Variants in NRG3 observed in about 807,000 individuals in gnomAD.
The protein encoded by NRG3 is neuregulin 3.
A neutral mutation model predicts 66.9 loss-of-function variants in NRG3; 31 were observed. The observed-to-expected ratio is 0.46, with a 90% CI of 0.35 to 0.63. The LOEUF is 0.63. Ranked by LOEUF, NRG3 falls within the 20% of genes least tolerant of loss-of-function variation. The pLI, the probability that NRG3 is intolerant of heterozygous loss-of-function variation, is 0.00. For synonymous variants in NRG3, 393 were observed against 359.4 expected, an observed-to-expected ratio of 1.09 and a Z score of -1.06; for missense variants, 910 against 878.9, an observed-to-expected ratio of 1.04 and a Z score of -0.45.
rs1040149578 is a variant in NRG3 at position 82,831,601 on chromosome 10, G to A, written c.1028-33810G>A. On this transcript the variant is annotated intron_variant, in intron 3 of 8. Coordinates refer to ENST00000372141, the MANE Select transcript of NRG3 (RefSeq NM_001010848.4). ...GAGGCCGAGGTAGGTGGATCCCTGAGGTCAGGAGTTCAAAACCAGCCTGAC... is the reference window on the plus strand; with the variant it reads ...GAGGCCGAGGTAGGTGGATCCCTGAAGTCAGGAGTTCAAAACCAGCCTGAC... 2.0e-5 allele frequency among the ~76,000 whole-genome samples: 3 copies of A among 152,028 alleles called. No individual in the cohort carries two copies. The East Asian group carries it at 5.8e-4, about 29-fold the overall frequency.
intron 1 of NRG3, among the ~76,000 whole-genome samples, chr10:82,258,395 T>C (rs2077848618): frequency 6.6e-6 from 1 of 152,154 alleles, no homozygotes; most frequent in Non-Finnish European, 1.5e-5. Flanking sequence ...TTGCCAGAGA[T>C]ATGGCATACA....
intron 1 of NRG3, among the ~76,000 whole-genome samples, chr10:82,335,872 CTG>C (rs1335898557): frequency 6.6e-6 from 1 of 152,116 alleles, no homozygotes; most frequent in Non-Finnish European, 1.5e-5. Context: ...AATATATAAT[CTG>C]TGAGAAAGCC....
intron 1 of NRG3, among the ~76,000 whole-genome samples, chr10:82,303,331 G>A (rs921008008): frequency 1.0e-5 from 1 of 97,102 alleles, no homozygotes; most frequent in Non-Finnish European, 1.8e-5. Flanking sequence ...TACTGTGCGT[G>A]TATAAACACA....
chr10:82,932,961 G>A lies in NRG3; in HGVS notation c.1055-18508G>A, dbSNP rs576390021. 3.1e-4 allele frequency among the ~76,000 whole-genome samples: 47 copies of A among 151,684 alleles called. No individual in the cohort carries two copies. In the South Asian group the frequency reaches 8.6e-3, roughly 28 times the overall value. On this transcript the variant is annotated intron_variant, in intron 4 of 8. Coordinates refer to ENST00000372141, the MANE Select transcript of NRG3 (RefSeq NM_001010848.4). ...TCCTTTTCCAATCTGTTCTTCACTCGCCTTTCTTCTCTTCTCTTCTTTCCC... is the reference window on the plus strand; with the variant it reads ...TCCTTTTCCAATCTGTTCTTCACTCACCTTTCTTCTCTTCTCTTCTTTCCC...
chr10:82,734,599 C>T (rs569833452), intron 2 of NRG3, among the ~76,000 whole-genome samples: 1 of 152,204 alleles, frequency 6.6e-6, no homozygotes, highest in Admixed American at 6.5e-5. Flanking sequence ...TCTGTGTTTT[C>T]TTACCATCTC....
chr10:82,183,412 T>C (rs576264274), intron 1 of NRG3, among the ~76,000 whole-genome samples: 2 of 152,130 alleles, frequency 1.3e-5, no homozygotes, highest in Admixed American at 1.3e-4. Flanking sequence ...ATATATCTCC[T>C]TAGTCAAGTC....
chr10:81,918,007 G>A lies in NRG3; in HGVS notation c.823+41844G>A, dbSNP rs145078745. On this transcript the variant is annotated intron_variant, in intron 1 of 8. Coordinates refer to ENST00000372141, the MANE Select transcript of NRG3 (RefSeq NM_001010848.4). ...TGAGGGAGTAACTTTTTACAGGAAT[G>A]TTTATTATCTTTGTCATCCGAATCC... Among the ~76,000 whole-genome samples the A allele has an allele frequency of 2.0e-5, 3 of 152,262 alleles. 1 individual carries two copies. The highest frequency in any genetic ancestry group is 2.0e-4 in the Admixed American group (3 of 15,286).
At chr10:82,181,248 T>A (rs2073398674) in intron 1 of NRG3, among the ~76,000 whole-genome samples, 1 of 151,740 alleles carries the variant, frequency 6.6e-6, no homozygotes, top group South Asian at 2.1e-4. Context: ...ATTTTATTTA[T>A]TTTTGTTCTA....
chr10:82,223,574 A>G (rs2076033884), intron 1 of NRG3, among the ~76,000 whole-genome samples: 1 of 151,822 alleles, frequency 6.6e-6, no homozygotes, highest in Admixed American at 6.6e-5. Context: ...TCCTAAATAT[A>G]CTACTAGGGT....
chr10:82,496,245 A>G (rs944869984), intron 2 of NRG3, among the ~76,000 whole-genome samples: 1 of 152,232 alleles, frequency 6.6e-6, no homozygotes, highest in Non-Finnish European at 1.5e-5. Flanking sequence ...GGTGAGAGAA[A>G]AAGTAATTGG....
intron 1 of NRG3, among the ~76,000 whole-genome samples, chr10:81,997,600 T>G (rs1482557692): frequency 6.6e-6 from 1 of 152,110 alleles, no homozygotes; most frequent in Non-Finnish European, 1.5e-5. Flanking sequence ...ACCTAATATC[T>G]CGGAGGCTCC....
At chr10:82,806,171 A>G (rs75228291) in intron 3 of NRG3, among the ~76,000 whole-genome samples, 1,699 of 152,312 alleles carry the variant, frequency 0.011, 24 homozygotes, top group African/African-American at 0.038. Context: ...TCAGGGAAAC[A>G]TCAGCTATGG....
rs543255095 is a variant in NRG3, at chr10:81,893,153, A to G, written c.823+16990A>G. Among the ~76,000 whole-genome samples the G allele has an allele frequency of 1.4e-4, 22 of 152,314 alleles. No individual in the cohort carries two copies. The South Asian group carries it at 4.6e-3, about 32-fold the overall frequency. ...AAAGTCAAGTGTAGTTCTACCACCC[A>G]GAGATAATTACTCTTCTCTTTCTGT... On this transcript the variant is annotated intron_variant, in intron 1 of 8. Transcript: ENST00000372141.
intron 2 of NRG3, among the ~76,000 whole-genome samples, chr10:82,485,827 C>T (rs527823353): frequency 1.8e-4 from 28 of 151,724 alleles, no homozygotes; most frequent in African/African-American, 4.6e-4. Flanking sequence ...GGCTTCTGTA[C>T]AGAAAAAGAA....
At chr10:82,267,390 C>T (rs898072921) in intron 1 of NRG3, among the ~76,000 whole-genome samples, 1 of 152,204 alleles carries the variant, frequency 6.6e-6, no homozygotes, top group African/African-American at 2.4e-5. Context: ...TCCTTGCAGA[C>T]AGTTCACACA....
chr10:82,084,547 G>A (rs1015365273), intron 1 of NRG3, among the ~76,000 whole-genome samples: 1 of 149,972 alleles, frequency 6.7e-6, no homozygotes, highest in Non-Finnish European at 1.5e-5. Context: ...CATGAATCAG[G>A]TTTCTGTCTT....
chr10:82,373,034 A>T (rs555471403), intron 2 of NRG3, among the ~76,000 whole-genome samples: 1 of 152,348 alleles, frequency 6.6e-6, no homozygotes, highest in South Asian at 2.1e-4. Flanking sequence ...GGCACATTCA[A>T]GTGAAAATGT....
chr10:82,230,157 C>T (rs2076386874), intron 1 of NRG3: 1 of 152,154 alleles, frequency 6.6e-6, no homozygotes, highest in Non-Finnish European at 1.5e-5. Context: ...GGAAGCCCAA[C>T]ATTATGAAAA....
At chr10:81,980,160 A>G (rs1195240575) in intron 1 of NRG3, among the ~76,000 whole-genome samples, 2 of 152,188 alleles carry the variant, frequency 1.3e-5, no homozygotes, top group South Asian at 2.1e-4. Context: ...TTGTATCTTG[A>G]TAAAGAATTC....
Sources: allele counts gnomAD v4.1 joint callset (sites outside exome capture counted in the v4.1 genomes callset), GRCh38; gene constraint gnomAD v4.1.1; transcripts MANE v1.5; gene names NCBI Gene and HGNC (gene_info 2026-07-23, HGNC 2026-07-21).